The following ARHGAP36 variants were observed in gnomAD, a reference collection of about 807,000 sequenced individuals.
ARHGAP36 encodes rho GTPase-activating protein 36.
ARHGAP36 carries 7 observed loss-of-function variants against 32.9 expected under a neutral mutation model. The ratio of observed to expected loss-of-function variants is 0.21; its 90% CI spans 0.12 to 0.40. The LOEUF is 0.40. Ranked by LOEUF, ARHGAP36 falls within the 10% of genes least tolerant of loss-of-function variation. The pLI, the probability that ARHGAP36 is intolerant of heterozygous loss-of-function variation, is 1.00. For synonymous variants in ARHGAP36, 165 were observed against 168.3 expected (o/e 0.98, Z 0.15); for missense variants, 383 against 442.2 (o/e 0.87, Z 1.20).
intron 1 of ARHGAP36, among the ~76,000 whole-genome samples, chrX:131,066,767 G>A (rs182169328): frequency 1.8e-5 from 2 of 111,652 alleles, no homozygotes; most frequent in Admixed American, 9.5e-5. Flanking sequence ...TGATCTTGGG[G>A]AAATTACTTA....
chrX:131,074,866 G>T (rs1197358949), intron 1 of ARHGAP36, among the ~76,000 whole-genome samples: 1 of 111,915 alleles, frequency 8.9e-6, no homozygotes, highest in Non-Finnish European at 1.9e-5. Context: ...CATTTTGTAG[G>T]CCAGTTAGCT....
intron 1 of ARHGAP36, among the ~76,000 whole-genome samples, chrX:131,068,343 AG>A (rs998005838): frequency 6.3e-5 from 7 of 111,250 alleles, no homozygotes; most frequent in Non-Finnish European, 1.1e-4. Flanking sequence ...GGAAAAAAGG[AG>A]GGGGGATGAG....
At chrX:131,066,268 A>G (rs2079698394) in intron 1 of ARHGAP36, among the ~76,000 whole-genome samples, 1 of 111,961 alleles carries the variant, frequency 8.9e-6, no homozygotes, top group South Asian at 3.8e-4. Context: ...GAAATTCGCC[A>G]TATACCAACT....
At chrX:131,064,812 C>T (rs1174298591) in intron 1 of ARHGAP36, among the ~76,000 whole-genome samples, 1 of 111,734 alleles carries the variant, frequency 8.9e-6, no homozygotes, top group Non-Finnish European at 1.9e-5. Flanking sequence ...CATGATCTCT[C>T]TCCCCACAAA....
At chrX:131,074,352 TGTGTGTGAGAGA>T (rs768390080) in intron 1 of ARHGAP36, among the ~76,000 whole-genome samples, 1 of 102,813 alleles carries the variant, frequency 9.7e-6, no homozygotes, top group Non-Finnish European at 2.0e-5. Context: ...TGTGTGTGTG[TGTGTGTGAGAGA>T]GAGAGAGAGA....
In ARHGAP36 at chrX:131,084,701, A is replaced by G. The variant is rs2079824828; in HGVS notation, c.804+20A>G. ...CGTCAGGTAAATTGGCTATGTTTAC[A>G]TGTTTGTTCCTCCAATAAGAAAGAG... On this transcript the variant is annotated intron_variant, in intron 6 of 11. Transcript: ENST00000276211. 1 of 1,210,368 alleles carries G rather than the reference A, an allele frequency of 8.3e-7. No individual in the cohort carries two copies. The highest frequency in any genetic ancestry group is 1.1e-6 in the Non-Finnish European group (1 of 894,208).
chrX:131,083,651 G>C, intron 3 of ARHGAP36, 83 bp from the exon 4 acceptor site: 1 of 979,155 alleles, frequency 1.0e-6, no homozygotes, highest in Non-Finnish European at 1.5e-6. Flanking sequence ...GTTGCTGGGA[G>C]GAGTGCTACA....
At chrX:131,063,438 G>C (rs186840991) in intron 1 of ARHGAP36, among the ~76,000 whole-genome samples, 25 of 111,812 alleles carry the variant, frequency 2.2e-4, no homozygotes, top group Admixed American at 2.0e-3. Flanking sequence ...CAAAGCTAAG[G>C]CTCCAGGATT....
chrX:131,084,781 G>A, intron 6 of ARHGAP36, 100 bp downstream of exon 6: 17 of 1,165,855 alleles, frequency 1.5e-5, no homozygotes, highest in Non-Finnish European at 1.9e-5. Flanking sequence ...GGGAGGAGCA[G>A]GGTCTTCTTT....
intron 1 of ARHGAP36, among the ~76,000 whole-genome samples, chrX:131,069,920 T>C (rs2079724233): frequency 8.9e-6 from 1 of 112,478 alleles, no homozygotes; most frequent in South Asian, 3.7e-4. Context: ...TGTTAACTTA[T>C]GTCCCAGCAG....
At chrX:131,074,439 ATG>A (rs34611942) in intron 1 of ARHGAP36, among the ~76,000 whole-genome samples, 3,037 of 107,390 alleles carry the variant, frequency 0.028, 81 homozygotes, top group Admixed American at 0.089. Flanking sequence ...GAGTGGGAAT[ATG>A]TGTGTGTGTG....
At chrX:131,058,578 G>A (rs1436522793) in intron 1 of ARHGAP36, 134 bp downstream of exon 1, 1 of 566,684 alleles carries the variant, frequency 1.8e-6, no homozygotes. Context: ...TTAGCTAATT[G>A]TTCCTGGCTC....
chrX:131,064,634 G>C (rs1473906315), intron 1 of ARHGAP36, among the ~76,000 whole-genome samples: 3 of 111,811 alleles, frequency 2.7e-5, no homozygotes, highest in African/African-American at 9.8e-5. Flanking sequence ...GGAAACTGAG[G>C]CTCAGAGAGG....
At chrX:131,063,549 TAGC>T (rs2079680765) in intron 1 of ARHGAP36, among the ~76,000 whole-genome samples, 1 of 111,203 alleles carries the variant, frequency 9.0e-6, no homozygotes, top group Non-Finnish European at 1.9e-5. Context: ...TTAGTGAAGG[TAGC>T]ATGCAGGATA....
chrX:131,079,947 C>G lies in ARHGAP36; in HGVS notation c.-142-1577C>G, dbSNP rs941791375. Among the ~76,000 whole-genome samples, 5 of 112,017 alleles carry G rather than the reference C, an allele frequency of 4.5e-5. No homozygotes were observed. The Admixed American group carries it at 4.7e-4, about 11-fold the overall frequency. ...GTCCCCTACTCCAGCCCTAGTGACA[C>G]TGACTTGTGTCAATATCCCTTGCCT... On this transcript the variant is annotated intron_variant, in intron 1 of 11. Coordinates refer to ENST00000276211, the MANE Select transcript of ARHGAP36 (RefSeq NM_144967.4).
At chrX:131,080,750 A>AT (rs926756956) in intron 1 of ARHGAP36, among the ~76,000 whole-genome samples, 3 of 112,528 alleles carry the variant, frequency 2.7e-5, no homozygotes, top group African/African-American at 9.7e-5. Flanking sequence ...GGTACAAATG[A>AT]TTTTTTTATG....
intron 2 of ARHGAP36, among the ~76,000 whole-genome samples, chrX:131,082,367 CGGGCGGTGAACGGGA>C (rs1187889174): frequency 8.9e-6 from 1 of 112,511 alleles, no homozygotes; most frequent in Non-Finnish European, 1.9e-5. Context: ...CGCTCCTAGC[CGGGCGGTGAACGGGA>C]GGGCGGTGCG....
intron 1 of ARHGAP36, among the ~76,000 whole-genome samples, chrX:131,059,649 G>A (rs2079658325): frequency 8.9e-6 from 1 of 112,131 alleles, no homozygotes; most frequent in South Asian, 3.7e-4. Context: ...ACAGCCTCAG[G>A]CCAGCAACAA....
intron 6 of ARHGAP36, 102 bp downstream of exon 6, chrX:131,084,783 G>A: frequency 8.6e-7 from 1 of 1,162,927 alleles, no homozygotes; most frequent in Non-Finnish European, 1.2e-6. Flanking sequence ...GAGGAGCAGG[G>A]TCTTCTTTGT....
Sources: gnomAD v4.1 joint callset for allele counts (sites outside exome capture counted in the v4.1 genomes callset) on GRCh38, gnomAD v4.1.1 for gene constraint, MANE v1.5 for transcripts, NCBI Gene and HGNC (gene_info 2026-07-23, HGNC 2026-07-21) for gene names.